The following SAMD12 variants were observed in gnomAD, a reference collection of about 807,000 sequenced individuals.
SAMD12 encodes the protein sterile alpha motif domain containing 12.
Under a neutral mutation model 15.0 loss-of-function variants are expected in SAMD12, and 9 were observed. The observed-to-expected ratio is 0.60, with a 90% CI of 0.36 to 1.05. The LOEUF (loss-of-function observed/expected upper bound fraction) is 1.05. SAMD12 is among the 50% of genes least tolerant of loss of function. The pLI is 0.01. For missense variants in SAMD12, 230 were observed against 234.2 expected (o/e 0.98, Z 0.12); for synonymous variants, 86 against 90.1 (o/e 0.96, Z 0.25).
Position 118,258,772 on chromosome 8 carries a change from C to T in SAMD12, c.434-61040G>A, listed in dbSNP as rs1050499748. Among the ~76,000 whole-genome samples, 10 of 152,104 alleles carry T rather than the reference C, an allele frequency of 6.6e-5. No individual in the cohort carries two copies. The South Asian group carries it at 8.3e-4, about 13-fold the overall frequency. ...CTCTAAATTGAGGATATGGGAAAGT[C>T]GATATAGGTAACACCATAAAGTGAC... On this transcript the variant is annotated intron_variant, in intron 4 of 4. Transcript: ENST00000409003.
chr8:118,597,431 T>C (rs1377143923), intron 1 of SAMD12, among the ~76,000 whole-genome samples: 1 of 152,232 alleles, frequency 6.6e-6, no homozygotes, highest in Non-Finnish European at 1.5e-5. Context: ...AGTGAGGATT[T>C]AGAGAAACAG....
intron 3 of SAMD12, among the ~76,000 whole-genome samples, chr8:118,386,751 C>T (rs1819985203): frequency 1.3e-5 from 2 of 152,162 alleles, no homozygotes; most frequent in South Asian, 4.1e-4. Context: ...TGCCCTTCAT[C>T]TTTTGCTCAG....
In SAMD12 at chr8:118,488,454, G is replaced by A. The variant is rs115049420; in HGVS notation, c.193-48493C>T. Among the ~76,000 whole-genome samples, 500 of 152,212 alleles carry A rather than the reference G, an allele frequency of 3.3e-3. 3 individuals carry two copies. Among genetic ancestry groups the A allele is most frequent in the African/African-American group, 0.012 (481 of 41,516 alleles). On this transcript the variant is annotated intron_variant, in intron 2 of 3. Coordinates refer to ENST00000314727, the MANE Select transcript of SAMD12 (RefSeq NM_207506.3). ...AATATTTTGCATATGTATACACCAT[G>A]CAATCACAGCCTCCATCAAGACCTT...
intron 2 of SAMD12, among the ~76,000 whole-genome samples, chr8:118,532,283 A>C (rs1235105169): frequency 6.6e-6 from 1 of 152,232 alleles, no homozygotes; most frequent in African/African-American, 2.4e-5. Context: ...CCCAGGGATG[A>C]AGCCCACTTG....
chr8:118,186,193 A>G (rs1039225062), downstream of SAMD12, among the ~76,000 whole-genome samples: 1 of 152,146 alleles, frequency 6.6e-6, no homozygotes, highest in African/African-American at 2.4e-5. Flanking sequence ...TTCAGAGCTG[A>G]CTTGATTATG....
chr8:118,612,991 T>C (rs1828144050), intron 1 of SAMD12, among the ~76,000 whole-genome samples: 1 of 152,194 alleles, frequency 6.6e-6, no homozygotes, highest in Non-Finnish European at 1.5e-5. Context: ...ATATGAAATC[T>C]AGAAAAGGCA....
intron 2 of SAMD12, among the ~76,000 whole-genome samples, chr8:118,461,744 C>T (rs1468079339): frequency 2.0e-5 from 3 of 152,046 alleles, no homozygotes; most frequent in African/African-American, 7.2e-5. Context: ...TAAACAGAAA[C>T]GTGCAAAGAA....
chr8:118,454,462 T>C (rs1823181133), intron 2 of SAMD12, among the ~76,000 whole-genome samples: 1 of 152,190 alleles, frequency 6.6e-6, no homozygotes, highest in African/African-American at 2.4e-5. Context: ...TAGTCAGTAG[T>C]CCCTTTCAAC....
chr8:118,495,624 G>C (rs1293208260), intron 2 of SAMD12, among the ~76,000 whole-genome samples: 1 of 149,504 alleles, frequency 6.7e-6, no homozygotes, highest in Non-Finnish European at 1.5e-5. Context: ...CCTTGATCCC[G>C]CTGCCTGGAT....
chr8:118,463,254 C>G (rs992274126), intron 2 of SAMD12, among the ~76,000 whole-genome samples: 3 of 152,038 alleles, frequency 2.0e-5, no homozygotes, highest in African/African-American at 7.2e-5. Flanking sequence ...TGGGGTGGGG[C>G]TGACCCAGCA....
At chr8:118,333,759 G>A (rs952793311) in intron 4 of SAMD12, among the ~76,000 whole-genome samples, 8 of 151,986 alleles carry the variant, frequency 5.3e-5, no homozygotes, top group Non-Finnish European at 5.9e-5. Context: ...CAACCTTTAC[G>A]GTATAACCTT....
chr8:118,225,148 A>G (rs1002354382), intron 4 of SAMD12, among the ~76,000 whole-genome samples: 6 of 152,200 alleles, frequency 3.9e-5, no homozygotes, highest in African/African-American at 1.4e-4. Flanking sequence ...ATTTTTTATT[A>G]GAAAATAGTA....
At chr8:118,133,920 T>C in the SAMD12 span, among the ~76,000 whole-genome samples, 1 of 152,330 alleles carries the variant, frequency 6.6e-6, no homozygotes, top group East Asian at 1.9e-4. Flanking sequence ...ATAGTCCTGG[T>C]TGTTTATCAT....
chr8:118,344,335 G>A (rs760212212), intron 4 of SAMD12, among the ~76,000 whole-genome samples: 18 of 152,190 alleles, frequency 1.2e-4, no homozygotes, highest in East Asian at 9.6e-4. Context: ...GGCTTGTGTC[G>A]TAGGCCAACT....
chr8:118,244,190 T>TA (rs2129981848), intron 4 of SAMD12, among the ~76,000 whole-genome samples: 1 of 152,274 alleles, frequency 6.6e-6, no homozygotes, highest in East Asian at 1.9e-4. Flanking sequence ...ATAAAGGTGC[T>TA]AATTCATTTA....
At chr8:118,270,254 T>C (rs765668867) in intron 4 of SAMD12, among the ~76,000 whole-genome samples, 1 of 152,190 alleles carries the variant, frequency 6.6e-6, no homozygotes, top group Non-Finnish European at 1.5e-5. Flanking sequence ...TTAGCCAAAA[T>C]ACCCCAGAAT....
intron 4 of SAMD12, among the ~76,000 whole-genome samples, chr8:118,272,310 G>A (rs1342683857): frequency 1.3e-5 from 2 of 152,196 alleles, no homozygotes; most frequent in Non-Finnish European, 2.9e-5. Flanking sequence ...TGGAGTAGCT[G>A]GAAAACAAGG....
chr8:118,570,663 T>C (rs571625101), intron 2 of SAMD12, among the ~76,000 whole-genome samples: 12 of 152,314 alleles, frequency 7.9e-5, no homozygotes, highest in Admixed American at 2.0e-4. Flanking sequence ...AGTGCTGCAA[T>C]GAACATACGT....
intron 3 of SAMD12, among the ~76,000 whole-genome samples, chr8:118,384,221 G>C (rs1819826936): frequency 6.6e-6 from 1 of 152,186 alleles, no homozygotes; most frequent in Non-Finnish European, 1.5e-5. Flanking sequence ...AGGTCTCAGA[G>C]AAGACAGGGT....
Sources: gnomAD v4.1 joint callset for allele counts (sites outside exome capture counted in the v4.1 genomes callset) on GRCh38, gnomAD v4.1.1 for gene constraint, MANE v1.5 for transcripts, NCBI Gene and HGNC (gene_info 2026-07-23, HGNC 2026-07-21) for gene names.